NUBPL: variants seen among roughly 807,000 people sequenced by gnomAD.
NUBPL encodes iron-sulfur cluster transfer protein NUBPL.
Under a neutral mutation model 45.7 loss-of-function variants are expected in NUBPL, and 31 were observed. The ratio of observed to expected loss-of-function variants is 0.68; its 90% CI spans 0.51 to 0.92. The LOEUF (loss-of-function observed/expected upper bound fraction) is 0.92. NUBPL is among the 40% of genes least tolerant of loss of function. NUBPL has a pLI of 0.00. For synonymous variants in NUBPL, 144 were observed against 140.9 expected, an observed-to-expected ratio of 1.02 and a Z score of -0.15; for missense variants, 401 against 398.7, an observed-to-expected ratio of 1.01 and a Z score of -0.05.
At chr14:31,658,477 C>T (rs2036192843) in intron 4 of NUBPL, among the ~76,000 whole-genome samples, 1 of 151,418 alleles carries the variant, frequency 6.6e-6, no homozygotes, top group Non-Finnish European at 1.5e-5. Flanking sequence ...CTAAAAATGG[C>T]TGATGATCAA....
At chr14:31,847,411 T>C (rs1595707213) in intron 9 of NUBPL, among the ~76,000 whole-genome samples, 1 of 152,260 alleles carries the variant, frequency 6.6e-6, no homozygotes, top group Non-Finnish European at 1.5e-5. Context: ...CTTTAAAATA[T>C]GGCACCTGAA....
At chr14:31,744,303 G>A (rs1182676418) in intron 6 of NUBPL, among the ~76,000 whole-genome samples, 1 of 152,190 alleles carries the variant, frequency 6.6e-6, no homozygotes, top group Non-Finnish European at 1.5e-5. Flanking sequence ...TAAACAGGCA[G>A]TTTGGAAATC....
intron 6 of NUBPL, among the ~76,000 whole-genome samples, chr14:31,694,029 G>A (rs910550209): frequency 1.3e-5 from 2 of 151,698 alleles, no homozygotes; most frequent in African/African-American, 4.8e-5. Flanking sequence ...CTAATTTTTT[G>A]TATTTTTAGT....
At chr14:31,721,950 A>G (rs987392881) in intron 6 of NUBPL, among the ~76,000 whole-genome samples, 40 of 152,064 alleles carry the variant, frequency 2.6e-4, no homozygotes, top group African/African-American at 8.7e-4. Context: ...ACATGACCTC[A>G]TTCTTTTTTA....
chr14:31,778,693 T>A (rs999135041), intron 6 of NUBPL, among the ~76,000 whole-genome samples: 2 of 152,202 alleles, frequency 1.3e-5, no homozygotes, highest in African/African-American at 4.8e-5. Flanking sequence ...TTTGAAAACA[T>A]GCAAATCATA....
At chr14:31,828,948 A>G (rs925423460) in intron 8 of NUBPL, among the ~76,000 whole-genome samples, 1 of 152,236 alleles carries the variant, frequency 6.6e-6, no homozygotes, top group Non-Finnish European at 1.5e-5. Flanking sequence ...GACGTTAAGG[A>G]TATTAGCAAG....
Position 31,819,543 on chromosome 14 carries a change from A to G in NUBPL, c.608-7086A>G, listed in dbSNP as rs2039980120. Reference sequence around the variant, plus strand: ...CATAGTTGAGTTGTTCCACACTGGTATAATTATGATCAGTCTAACATCTGG... The same window carrying G: ...CATAGTTGAGTTGTTCCACACTGGTGTAATTATGATCAGTCTAACATCTGG... On this transcript the variant is annotated intron_variant, in intron 7 of 10. Transcript: ENST00000281081. Among the ~76,000 whole-genome samples, 4 of 152,198 alleles carry G rather than the reference A, an allele frequency of 2.6e-5. No individual in the cohort carries two copies. The South Asian group carries it at 8.3e-4, about 31-fold the overall frequency.
Position 31,651,851 on chromosome 14 carries a change from A to G in NUBPL, c.383-21504A>G, listed in dbSNP as rs184798696. The stretch of plus-strand genomic sequence containing the variant: ...GAGGCAGAGCTTACAGTGAGCTGAG[A>G]TAGTGCCACTGCACTCCAGCCTGGG... On this transcript the variant is annotated intron_variant, in intron 4 of 10. Coordinates refer to ENST00000281081, the MANE Select transcript of NUBPL (RefSeq NM_025152.3). Among the ~76,000 whole-genome samples the G allele has an allele frequency of 1.3e-4, 19 of 151,662 alleles. No individual in the cohort carries two copies. In the East Asian group the frequency reaches 3.3e-3, roughly 26 times the overall value.
intron 4 of NUBPL, among the ~76,000 whole-genome samples, chr14:31,669,822 T>A (rs955609642): frequency 1.4e-5 from 2 of 139,910 alleles, no homozygotes; most frequent in African/African-American, 2.7e-5. Flanking sequence ...TTTTTTTTTT[T>A]ACGGCTGCCT....
intron 7 of NUBPL, among the ~76,000 whole-genome samples, chr14:31,810,883 G>A (rs1397414900): frequency 2.0e-5 from 3 of 152,270 alleles, no homozygotes; most frequent in African/African-American, 7.2e-5. Context: ...ATGAAGCTTA[G>A]TTTGGCTGGA....
rs377077969 is a variant in NUBPL at position 31,562,229 on chromosome 14, T to C, written c.256+14T>C. 1.6e-3 allele frequency: 2,559 copies of C among 1,605,076 alleles called. 2 individuals carry two copies. The highest frequency in any genetic ancestry group is 2.0e-3 in the Middle Eastern group (12 of 6,028). ...CTACTACAGCAGGTATTATAGGATA[T>C]TAATTCTATTCCTGATTAAGAACTT... On this transcript the variant is annotated intron_variant, in intron 2 of 10. Transcript: ENST00000281081.
chr14:31,793,853 A>ATTT (rs1304620329), intron 7 of NUBPL, among the ~76,000 whole-genome samples: 4 of 69,656 alleles, frequency 5.7e-5, no homozygotes, highest in African/African-American at 3.4e-4. Context: ...TTTTTTTTTT[A>ATTT]TTTTTTCCCA....
chr14:31,812,289 G>A (rs1309816226), intron 7 of NUBPL, among the ~76,000 whole-genome samples: 2 of 152,162 alleles, frequency 1.3e-5, no homozygotes, highest in African/African-American at 4.8e-5. Context: ...GAGCTGTGGT[G>A]GGCTCCACCT....
At chr14:31,838,819 A>G (rs2040324921) in intron 8 of NUBPL, among the ~76,000 whole-genome samples, 1 of 152,120 alleles carries the variant, frequency 6.6e-6, no homozygotes, top group South Asian at 2.1e-4. Context: ...GGTGTATTTT[A>G]TCCTTATAAG....
chr14:31,617,197 T>C (rs1462203198), intron 4 of NUBPL, among the ~76,000 whole-genome samples: 1 of 152,212 alleles, frequency 6.6e-6, no homozygotes, highest in Non-Finnish European at 1.5e-5. Flanking sequence ...GCTTTCTAAA[T>C]ATACAATCAT....
chr14:31,696,932 T>G (rs1185689387), intron 6 of NUBPL, among the ~76,000 whole-genome samples: 7 of 152,160 alleles, frequency 4.6e-5, no homozygotes, highest in African/African-American at 1.7e-4. Context: ...ACTCCAGGCC[T>G]GAATCTGAAA....
chr14:31,694,321 G>A (rs933916477), intron 6 of NUBPL, among the ~76,000 whole-genome samples: 6 of 152,100 alleles, frequency 3.9e-5, no homozygotes, highest in African/African-American at 1.4e-4. Context: ...CATAACTAAA[G>A]TCCAGTTCTT....
At chr14:31,785,834 A>G (rs2039274210) in intron 6 of NUBPL, among the ~76,000 whole-genome samples, 3 of 151,958 alleles carry the variant, frequency 2.0e-5, no homozygotes, top group Admixed American at 2.0e-4. Context: ...AATCTGTTTG[A>G]CCCAATATCA....
chr14:31,815,134 G>T lies in NUBPL; in HGVS notation c.608-11495G>T, dbSNP rs561457037. Among the ~76,000 whole-genome samples the T allele has an allele frequency of 3.3e-5, 5 of 152,156 alleles. No homozygotes were observed. The East Asian group carries it at 9.7e-4, about 29-fold the overall frequency. Reference sequence around the variant, plus strand: ...TATATAAATTACTTTGGGCAGTATCGCCATTTTCACAACATTGATTCTTCC... The same window carrying T: ...TATATAAATTACTTTGGGCAGTATCTCCATTTTCACAACATTGATTCTTCC... On this transcript the variant is annotated intron_variant, in intron 7 of 10. Coordinates refer to ENST00000281081, the MANE Select transcript of NUBPL (RefSeq NM_025152.3).
Sources: allele counts gnomAD v4.1 joint callset (sites outside exome capture counted in the v4.1 genomes callset), GRCh38; gene constraint gnomAD v4.1.1; transcripts MANE v1.5; gene names NCBI Gene and HGNC (gene_info 2026-07-23, HGNC 2026-07-21).